SPECC1: variants seen among roughly 807,000 people sequenced by gnomAD.
The protein encoded by SPECC1 is sperm antigen with calponin homology and coiled-coil domains 1.
SPECC1 carries 62 observed loss-of-function variants against 104.1 expected under a neutral mutation model. The observed-to-expected ratio is 0.60, with a 90% CI of 0.49 to 0.74. The LOEUF is 0.74. Ranked by LOEUF, SPECC1 falls within the 30% of genes least tolerant of loss-of-function variation. The probability of loss-of-function intolerance (pLI) is 0.00; values close to 1 mark genes in which losing one functional copy is unlikely to be tolerated. For synonymous variants in SPECC1, 513 were observed against 501.6 expected, an observed-to-expected ratio of 1.02 and a Z score of -0.30; for missense variants, 1,306 against 1,310.5, an observed-to-expected ratio of 1.00 and a Z score of 0.05.
chr17:20,204,681 A>G lies in SPECC1; in HGVS notation c.632A>G (p.Asn211Ser). Reference sequence around the variant, plus strand: ...GAGGGGACTGATGCTTTGGGCCCAAATGTCGATGGAACATCAGTCTCCCCA... The same window carrying G: ...GAGGGGACTGATGCTTTGGGCCCAAGTGTCGATGGAACATCAGTCTCCCCA... Reference protein sequence around the residue: ...NAEGTDALGPNVDGTSVSPGD... With the variant: ...NAEGTDALGPSVDGTSVSPGD... Residue 211 changes from asparagine (N) to serine (S), a missense_variant, in exon 4 of 15, where the codon AAT (asparagine) becomes AGT (serine). This residue lies in a region of SPECC1 where 1,177 missense variants were observed against 1,139.9 expected (regional missense o/e 1.03). Transcript: ENST00000395527. 1 of 1,613,880 alleles carries G rather than the reference A, an allele frequency of 6.2e-7. No homozygotes were observed. The highest frequency in any genetic ancestry group is 8.5e-7 in the Non-Finnish European group (1 of 1,179,960).
chr17:20,106,382 T>C (rs1207669832), intron 2 of SPECC1, among the ~76,000 whole-genome samples: 1 of 152,164 alleles, frequency 6.6e-6, no homozygotes, highest in African/African-American at 2.4e-5. Flanking sequence ...CTTTTTACTC[T>C]GAGATGGGAA....
At chr17:20,222,016 G>GTTTTTTT (rs34220423) in intron 4 of SPECC1, among the ~76,000 whole-genome samples, 2 of 140,502 alleles carry the variant, frequency 1.4e-5, no homozygotes, top group Non-Finnish European at 1.5e-5. Flanking sequence ...TATGATTTCA[G>GTTTTTTT]TTTTTTTTTT....
intron 3 of SPECC1, among the ~76,000 whole-genome samples, chr17:20,122,817 C>T (rs1048019175): frequency 2.0e-5 from 3 of 152,176 alleles, no homozygotes; most frequent in Admixed American, 1.3e-4. Context: ...GAATTTCCTT[C>T]GTTTTTGAGG....
At chr17:20,156,725 C>T (rs1340251152) in intron 3 of SPECC1, among the ~76,000 whole-genome samples, 2 of 152,174 alleles carry the variant, frequency 1.3e-5, no homozygotes, top group Admixed American at 6.5e-5. Flanking sequence ...TCTGGGGTGT[C>T]GGGCGCGCCT....
intron 9 of SPECC1, among the ~76,000 whole-genome samples, chr17:20,250,668 A>C (rs2039590256): frequency 6.6e-6 from 1 of 152,258 alleles, no homozygotes; most frequent in South Asian, 2.1e-4. Flanking sequence ...TTAAGGAAGA[A>C]ATAATGTCAA....
intron 3 of SPECC1, among the ~76,000 whole-genome samples, chr17:20,123,926 G>C (rs2049158591): frequency 6.6e-6 from 1 of 152,212 alleles, no homozygotes; most frequent in African/African-American, 2.4e-5. Context: ...TAAGCAGACT[G>C]TCCAAGTCCA....
intron 4 of SPECC1, among the ~76,000 whole-genome samples, chr17:20,210,806 T>TGCAGTCCCACCCCACATCCAGCC (rs1296649270): frequency 2.6e-5 from 4 of 152,108 alleles, no homozygotes; most frequent in Non-Finnish European, 5.9e-5. Flanking sequence ...CACCTCCACT[T>TGCAGTCCCACCCCACATCCAGCC]GCAGTCCCAC....
At chr17:20,308,109 T>TG (rs2142181581) in intron 14 of SPECC1, among the ~76,000 whole-genome samples, 1 of 152,142 alleles carries the variant, frequency 6.6e-6, no homozygotes, top group African/African-American at 2.4e-5. Flanking sequence ...CAATTCCAGC[T>TG]GGGTGCAGTG....
At chr17:20,203,855 C>T (rs2036591053) in intron 3 of SPECC1, among the ~76,000 whole-genome samples, 2 of 152,216 alleles carry the variant, frequency 1.3e-5, no homozygotes, top group South Asian at 4.1e-4. Flanking sequence ...ATAGGCCAAA[C>T]TTCAGGGTTG....
chr17:20,177,148 A>C (rs1327804607), intron 3 of SPECC1, among the ~76,000 whole-genome samples: 4 of 152,234 alleles, frequency 2.6e-5, no homozygotes, highest in Non-Finnish European at 5.9e-5. Flanking sequence ...TGAGGAAACA[A>C]CACTTGCTAA....
chr17:20,128,024 T>A (rs1040108219), intron 3 of SPECC1, among the ~76,000 whole-genome samples: 11 of 152,074 alleles, frequency 7.2e-5, no homozygotes, highest in African/African-American at 2.4e-4. Context: ...CTGAAAAAAA[T>A]CAATATAATG....
At chr17:20,025,063 CCTT>C (rs1218008520) in intron 1 of SPECC1, among the ~76,000 whole-genome samples, 1 of 152,204 alleles carries the variant, frequency 6.6e-6, no homozygotes, top group East Asian at 1.9e-4. Context: ...TTCCCTCTTC[CCTT>C]CTTTTGGAAG....
At chr17:20,129,501 T>C (rs915894520) in intron 3 of SPECC1, among the ~76,000 whole-genome samples, 1 of 152,060 alleles carries the variant, frequency 6.6e-6, no homozygotes, top group African/African-American at 2.4e-5. Flanking sequence ...TTTCTTTTTT[T>C]TTTAGCTGTT....
intron 3 of SPECC1, among the ~76,000 whole-genome samples, chr17:20,115,213 A>G (rs1223825861): frequency 2.0e-5 from 3 of 152,154 alleles, no homozygotes; most frequent in African/African-American, 7.2e-5. Flanking sequence ...GGTGGCTCAC[A>G]CCTGTAATCC....
chr17:20,031,752 T>C (rs768740939), intron 1 of SPECC1, among the ~76,000 whole-genome samples: 3 of 152,262 alleles, frequency 2.0e-5, no homozygotes, highest in Non-Finnish European at 2.9e-5. Context: ...TGAAGTAATA[T>C]GGTATTTGTC....
chr17:20,230,389 TTCAGTG>T (rs2038497845), intron 5 of SPECC1, among the ~76,000 whole-genome samples: 1 of 152,212 alleles, frequency 6.6e-6, no homozygotes, highest in Non-Finnish European at 1.5e-5. Context: ...AACCTCAGCG[TTCAGTG>T]TCAGTGCCAT....
At chr17:20,210,842 C>T (rs1231362871) in intron 4 of SPECC1, among the ~76,000 whole-genome samples, 1 of 152,204 alleles carries the variant, frequency 6.6e-6, no homozygotes, top group Non-Finnish European at 1.5e-5. Flanking sequence ...ATTCCCACCC[C>T]TCCCTCCATG....
At chr17:20,186,642 C>T (rs1043830440) in intron 3 of SPECC1, among the ~76,000 whole-genome samples, 2 of 152,212 alleles carry the variant, frequency 1.3e-5, no homozygotes, top group African/African-American at 4.8e-5. Context: ...CAGCTTACTG[C>T]AGCCTTGACT....
At chr17:20,204,143 C>T (rs1261977407) in intron 3 of SPECC1, among the ~76,000 whole-genome samples, 190 bp from the exon 4 acceptor site, 1 of 152,068 alleles carries the variant, frequency 6.6e-6, no homozygotes, top group Non-Finnish European at 1.5e-5. Context: ...GTCAGCCTCA[C>T]CCAAAGTATA....
Sources: allele counts gnomAD v4.1 joint callset (sites outside exome capture counted in the v4.1 genomes callset), GRCh38; gene constraint gnomAD v4.1.1; regional missense constraint gnomAD v4.1.1; transcripts MANE v1.5; gene names NCBI Gene and HGNC (gene_info 2026-07-23, HGNC 2026-07-21).